The following KRABD5 variants were observed in gnomAD, a reference collection of about 807,000 sequenced individuals.
The protein encoded by KRABD5 is KRAB domain-containing protein 5.
chr16:31,735,768 ATGTT>A, the KRABD5 span, among the ~76,000 whole-genome samples: 4 of 152,062 alleles, frequency 2.6e-5, no homozygotes, highest in South Asian at 2.1e-4. Flanking sequence ...ATTGGATTGT[ATGTT>A]TGTTTTATTT....
chr16:31,718,636 T>C, the KRABD5 span, among the ~76,000 whole-genome samples: 1 of 152,168 alleles, frequency 6.6e-6, no homozygotes, highest in Non-Finnish European at 1.5e-5. Flanking sequence ...TGGAGTAGGG[T>C]AATCTTGTCC....
the KRABD5 span, among the ~76,000 whole-genome samples, chr16:31,722,927 T>C: frequency 6.6e-6 from 1 of 152,232 alleles, no homozygotes; most frequent in South Asian, 2.1e-4. Flanking sequence ...TGTTTGATCT[T>C]GACATTTGCC....
chr16:31,723,368 A>C, the KRABD5 span: 1 of 1,606,636 alleles, frequency 6.2e-7, no homozygotes, highest in East Asian at 2.2e-5. Flanking sequence ...GTGGGAGTGA[A>C]TGAAGTAGAT....
chr16:31,723,299 CAAAGG>C, the KRABD5 span: 2 of 1,613,848 alleles, frequency 1.2e-6, no homozygotes, highest in East Asian at 4.5e-5. Context: ...CTTTTTGGAG[CAAAGG>C]AAAGAGCCCT....
chr16:31,739,153 T>A, the KRABD5 span, among the ~76,000 whole-genome samples: 1 of 152,210 alleles, frequency 6.6e-6, no homozygotes, highest in Admixed American at 6.5e-5. Flanking sequence ...TTTATATTTT[T>A]ATATAATTTT....
At chr16:31,728,628 T>A in the KRABD5 span, among the ~76,000 whole-genome samples, 1 of 152,186 alleles carries the variant, frequency 6.6e-6, no homozygotes, top group African/African-American at 2.4e-5. Context: ...GATTTTCAGT[T>A]TTATATCAGT....
the KRABD5 span, among the ~76,000 whole-genome samples, chr16:31,727,302 C>T: frequency 6.6e-6 from 1 of 152,164 alleles, no homozygotes; most frequent in Non-Finnish European, 1.5e-5. Context: ...TGTTGCAGGG[C>T]AGGTGAGCCC....
the KRABD5 span, among the ~76,000 whole-genome samples, chr16:31,737,834 T>C: frequency 2.6e-5 from 4 of 152,160 alleles, no homozygotes; most frequent in Non-Finnish European, 5.9e-5. Flanking sequence ...CCGTAGACAT[T>C]TTAGACTATG....
At chr16:31,729,972 G>A in the KRABD5 span, among the ~76,000 whole-genome samples, 20 of 151,688 alleles carry the variant, frequency 1.3e-4, no homozygotes, top group Admixed American at 1.1e-3. Context: ...TTTATATTTT[G>A]TATTCATTAA....
the KRABD5 span, among the ~76,000 whole-genome samples, chr16:31,719,661 G>C: frequency 1.3e-5 from 2 of 152,192 alleles, no homozygotes; most frequent in African/African-American, 4.8e-5. Context: ...TCACAGAACT[G>C]TTTGTTGGAG....
At chr16:31,722,359 GCC>G in the KRABD5 span, among the ~76,000 whole-genome samples, 1 of 152,168 alleles carries the variant, frequency 6.6e-6, no homozygotes, top group South Asian at 2.1e-4. Flanking sequence ...GAGCTACCGC[GCC>G]CGGCCTCGAT....
the KRABD5 span, chr16:31,713,409 C>T: frequency 6.2e-7 from 1 of 1,604,162 alleles, no homozygotes; most frequent in Admixed American, 1.7e-5. Context: ...AGCTCAGACG[C>T]CAGGACATCC....
the KRABD5 span, among the ~76,000 whole-genome samples, chr16:31,733,195 C>G: frequency 1.3e-5 from 2 of 152,088 alleles, no homozygotes; most frequent in Admixed American, 6.5e-5. Context: ...ATTGCCTCTA[C>G]TTTGTTCATG....
chr16:31,721,718 C>A, the KRABD5 span, among the ~76,000 whole-genome samples: 2 of 152,106 alleles, frequency 1.3e-5, no homozygotes, highest in Admixed American at 6.5e-5. Context: ...TATGTTATAA[C>A]CTGTAAATTT....
At chr16:31,713,638 G>C in the KRABD5 span, 2 of 680,534 alleles carry the variant, frequency 2.9e-6, no homozygotes, top group Admixed American at 6.3e-5. Context: ...CCCGCAGAGC[G>C]ACCTCTGCCA....
chr16:31,746,594 T>G, the KRABD5 span, among the ~76,000 whole-genome samples: 2 of 152,168 alleles, frequency 1.3e-5, no homozygotes, highest in African/African-American at 2.4e-5. Context: ...GTATGTGTCT[T>G]GGGGTTAATG....
the KRABD5 span, among the ~76,000 whole-genome samples, chr16:31,750,394 C>A: frequency 6.6e-6 from 1 of 152,284 alleles, no homozygotes; most frequent in South Asian, 2.1e-4. Flanking sequence ...GATTTTGTAT[C>A]TTAAAACTTT....
chr16:31,717,893 T>G, the KRABD5 span, among the ~76,000 whole-genome samples: 1 of 152,138 alleles, frequency 6.6e-6, no homozygotes, highest in Non-Finnish European at 1.5e-5. Flanking sequence ...TCTGCTTGTT[T>G]GGAATCTTTA....
chr16:31,732,064 G>T, the KRABD5 span, among the ~76,000 whole-genome samples: 1 of 152,306 alleles, frequency 6.6e-6, no homozygotes, highest in Admixed American at 6.5e-5. Flanking sequence ...TGAGTGGCAG[G>T]ACCAAGACCA....
Sources: allele counts gnomAD v4.1 joint callset (sites outside exome capture counted in the v4.1 genomes callset), GRCh38; gene constraint gnomAD v4.1.1; transcripts MANE v1.5; gene names NCBI Gene and HGNC (gene_info 2026-07-23, HGNC 2026-07-21).